DPP10: variants seen among roughly 807,000 people sequenced by gnomAD.
DPP10 encodes dipeptidyl peptidase like 10.
A neutral mutation model predicts 120.9 loss-of-function variants in DPP10; 33 were observed. The ratio of observed to expected loss-of-function variants is 0.27; its 90% CI spans 0.21 to 0.37. The LOEUF is 0.37. Among genes scored for constraint, DPP10 ranks in the 10% least tolerant of loss-of-function variants. The pLI, the probability that DPP10 is intolerant of heterozygous loss-of-function variation, is 1.00. For missense variants in DPP10, 816 were observed against 942.8 expected (o/e 0.87, Z 1.76); for synonymous variants, 337 against 326.1 (o/e 1.03, Z -0.36).
At chr2:115,162,471 G>T (rs914428021) in intron 1 of DPP10, among the ~76,000 whole-genome samples, 1 of 152,216 alleles carries the variant, frequency 6.6e-6, no homozygotes, top group African/African-American at 2.4e-5. Context: ...AGCGACCCGA[G>T]CAGGCGAATG....
At chr2:115,252,916 C>T (rs754575788) in intron 1 of DPP10, among the ~76,000 whole-genome samples, 12 of 152,202 alleles carry the variant, frequency 7.9e-5, no homozygotes, top group Non-Finnish European at 1.8e-4. Context: ...ATAGTTCCAG[C>T]TTTCTTTTCG....
At chr2:114,459,929 G>GT (rs1678785293) in intron 1 of DPP10, among the ~76,000 whole-genome samples, 1 of 152,130 alleles carries the variant, frequency 6.6e-6, no homozygotes, top group South Asian at 2.1e-4. Flanking sequence ...GTGGTGACAG[G>GT]TTATTCCTTG....
chr2:114,868,055 G>T (rs1273202392), intron 1 of DPP10, among the ~76,000 whole-genome samples: 1 of 152,220 alleles, frequency 6.6e-6, no homozygotes, highest in Non-Finnish European at 1.5e-5. Flanking sequence ...TCTTCTGGTA[G>T]ATATTCTCTT....
intron 4 of DPP10, among the ~76,000 whole-genome samples, chr2:115,511,577 A>C (rs2077224740): frequency 6.6e-6 from 1 of 150,712 alleles, no homozygotes; most frequent in Admixed American, 6.6e-5. Flanking sequence ...TTTCCACCTA[A>C]GCTTTTTTAT....
At chr2:114,479,439 C>T (rs1221609338) in intron 1 of DPP10, among the ~76,000 whole-genome samples, 1 of 151,166 alleles carries the variant, frequency 6.6e-6, no homozygotes, top group Non-Finnish European at 1.5e-5. Context: ...TTCAAATATG[C>T]CAAACTGATT....
chr2:115,782,958 GT>G (rs774535202), intron 17 of DPP10, among the ~76,000 whole-genome samples: 29 of 152,050 alleles, frequency 1.9e-4, no homozygotes, highest in Admixed American at 1.3e-4. Flanking sequence ...CTGAAAGAGT[GT>G]TTTGTTCAAG....
At chr2:115,103,086 A>G (rs1480327579) in intron 1 of DPP10, among the ~76,000 whole-genome samples, 2 of 152,202 alleles carry the variant, frequency 1.3e-5, no homozygotes, top group Non-Finnish European at 2.9e-5. Context: ...TAAAACAGAA[A>G]TAACTTAATA....
intron 1 of DPP10, among the ~76,000 whole-genome samples, chr2:114,940,882 A>T (rs1696844281): frequency 6.6e-6 from 1 of 152,002 alleles, no homozygotes; most frequent in African/African-American, 2.4e-5. Flanking sequence ...AAAAGCTGTA[A>T]TTTTTTCTTG....
intron 1 of DPP10, among the ~76,000 whole-genome samples, chr2:114,595,466 T>C (rs2105190115): frequency 6.6e-6 from 1 of 152,202 alleles, no homozygotes; most frequent in East Asian, 1.9e-4. Flanking sequence ...GTTTGGAAGG[T>C]CCATGCCTAT....
chr2:115,239,191 C>T (rs115831702), intron 1 of DPP10, among the ~76,000 whole-genome samples: 10,431 of 152,202 alleles, frequency 0.069, 389 homozygotes, highest in Middle Eastern at 0.11. Context: ...GGATCAATAG[C>T]TTGCATCCTT....
chr2:114,662,122 T>C (rs948525965), intron 1 of DPP10, among the ~76,000 whole-genome samples: 3 of 151,880 alleles, frequency 2.0e-5, no homozygotes, highest in Admixed American at 2.0e-4. Context: ...TGCCGCTCAG[T>C]GGGGACCCAG....
intron 1 of DPP10, among the ~76,000 whole-genome samples, chr2:114,832,092 C>T (rs914782620): frequency 6.6e-6 from 1 of 152,000 alleles, no homozygotes; most frequent in African/African-American, 2.4e-5. Context: ...TCCAACACTA[C>T]CTTAGTCCTA....
chr2:114,582,426 A>G (rs974621986), intron 1 of DPP10, among the ~76,000 whole-genome samples: 2 of 152,210 alleles, frequency 1.3e-5, no homozygotes, highest in Non-Finnish European at 2.9e-5. Context: ...TTGAACAGAT[A>G]TATGTTTTGA....
At chr2:114,623,792 T>G (rs1352206687) in intron 1 of DPP10, among the ~76,000 whole-genome samples, 1 of 152,116 alleles carries the variant, frequency 6.6e-6, no homozygotes, top group Non-Finnish European at 1.5e-5. Context: ...TAAAAATCGC[T>G]GTTGAGAAAT....
chr2:115,021,869 C>T (rs1703101860), intron 1 of DPP10, among the ~76,000 whole-genome samples: 2 of 151,964 alleles, frequency 1.3e-5, no homozygotes, highest in African/African-American at 4.8e-5. Flanking sequence ...TGCAAGTCAA[C>T]AAATGTGATA....
intron 1 of DPP10, among the ~76,000 whole-genome samples, chr2:114,550,943 G>A (rs1315571480): frequency 6.6e-6 from 1 of 152,082 alleles, no homozygotes; most frequent in Non-Finnish European, 1.5e-5. Flanking sequence ...TTATAATAGA[G>A]GTAAACAGAG....
intron 1 of DPP10, among the ~76,000 whole-genome samples, chr2:115,006,535 A>T (rs1701854495): frequency 6.7e-6 from 1 of 149,856 alleles, no homozygotes; most frequent in Non-Finnish European, 1.5e-5. Context: ...CTACCAAGCA[A>T]ATGGAAAACA....
At chr2:115,644,658 C>T (rs2087084029) in intron 5 of DPP10, among the ~76,000 whole-genome samples, 1 of 151,810 alleles carries the variant, frequency 6.6e-6, no homozygotes, top group Admixed American at 6.6e-5. Context: ...CGTGCACCAC[C>T]TGTAGTCCTA....
chr2:115,241,269 A>AAAAT (rs58134986), intron 1 of DPP10, among the ~76,000 whole-genome samples: 36,597 of 151,076 alleles, frequency 0.24, 5,335 homozygotes, highest in East Asian at 0.56. Context: ...ACTCTATCTC[A>AAAAT]AAATAAATAA....
Sources: gnomAD v4.1 joint callset for allele counts (sites outside exome capture counted in the v4.1 genomes callset) on GRCh38, gnomAD v4.1.1 for gene constraint, MANE v1.5 for transcripts, NCBI Gene and HGNC (gene_info 2026-07-23, HGNC 2026-07-21) for gene names.